The following TACR3 variants were observed in gnomAD, a reference collection of about 807,000 sequenced individuals.
TACR3 encodes neuromedin-K receptor.
A neutral mutation model predicts 35.0 loss-of-function variants in TACR3; 34 were observed. The observed-to-expected ratio is 0.97, with a 90% confidence interval of 0.74 to 1.30. TACR3 has a LOEUF of 1.30. Among genes scored for constraint, TACR3 ranks in the 50% most tolerant of loss-of-function variants. The pLI is 0.00. For synonymous variants in TACR3, 233 were observed against 221.1 expected (o/e 1.05, Z -0.48); for missense variants, 558 against 591.7 (o/e 0.94, Z 0.59).
chr4:103,599,970 A>G (rs1439566355), intron 3 of TACR3, among the ~76,000 whole-genome samples: 1 of 152,160 alleles, frequency 6.6e-6, no homozygotes, highest in East Asian at 1.9e-4. Flanking sequence ...CTGGCCTCAT[A>G]AAATGAGTTA....
At chr4:103,701,999 T>C (rs1722661638) in intron 1 of TACR3, among the ~76,000 whole-genome samples, 1 of 152,146 alleles carries the variant, frequency 6.6e-6, no homozygotes, top group Non-Finnish European at 1.5e-5. Context: ...GGCAAGGACT[T>C]CATGTCTAAA....
chr4:103,628,517 A>G (rs1724965581), intron 3 of TACR3, among the ~76,000 whole-genome samples: 1 of 152,238 alleles, frequency 6.6e-6, no homozygotes, highest in African/African-American at 2.4e-5. Context: ...AATACTATAA[A>G]CAACTCTACA....
At chr4:103,663,236 G>A (rs151005923) in intron 1 of TACR3, among the ~76,000 whole-genome samples, 33 of 152,340 alleles carry the variant, frequency 2.2e-4, no homozygotes, top group African/African-American at 7.9e-4. Flanking sequence ...GCTCACACCT[G>A]TAACCCCAGC....
intron 1 of TACR3, among the ~76,000 whole-genome samples, chr4:103,707,825 T>A (rs183159469): frequency 2.2e-4 from 33 of 152,218 alleles, no homozygotes; most frequent in Admixed American, 1.8e-3. Context: ...TTTCCAATAG[T>A]CTTAGCAAAC....
chr4:103,702,941 A>G (rs1206003582), intron 1 of TACR3, among the ~76,000 whole-genome samples: 2 of 150,954 alleles, frequency 1.3e-5, no homozygotes, highest in Non-Finnish European at 3.0e-5. Flanking sequence ...TAGGAGATAT[A>G]CCTAATGTTA....
At chr4:103,713,828 G>A (rs10004171) in intron 1 of TACR3, among the ~76,000 whole-genome samples, 2,289 of 152,166 alleles carry the variant, frequency 0.015, 56 homozygotes, top group African/African-American at 0.052. Flanking sequence ...CAGAAATACA[G>A]CCAAAGAAGA....
intron 1 of TACR3, among the ~76,000 whole-genome samples, chr4:103,680,514 T>TATATATATACACATATATATAC (rs1246276460): frequency 1.1e-4 from 16 of 147,512 alleles, no homozygotes; most frequent in Admixed American, 2.0e-4. Context: ...CACACACACA[T>TATATATATACACATATATATAC]ATATATATAC....
chr4:103,603,778 T>C (rs529839660), intron 3 of TACR3, among the ~76,000 whole-genome samples: 69 of 152,326 alleles, frequency 4.5e-4, no homozygotes, highest in Admixed American at 2.8e-3. Flanking sequence ...AACTAATTTA[T>C]ATTCCCACCA....
intron 3 of TACR3, among the ~76,000 whole-genome samples, chr4:103,654,118 C>T (rs1269831484): frequency 6.6e-6 from 1 of 150,874 alleles, no homozygotes; most frequent in East Asian, 2.0e-4. Flanking sequence ...ACTAGTTCAG[C>T]CATTGTGGAA....
chr4:103,632,841 T>C (rs377094188), intron 3 of TACR3, among the ~76,000 whole-genome samples: 22 of 152,038 alleles, frequency 1.4e-4, no homozygotes, highest in African/African-American at 5.3e-4. Flanking sequence ...AATCTAACAG[T>C]GCCTTGTAAA....
At chr4:103,618,564 C>CTTTTTTTTT (rs57837921) in intron 3 of TACR3, among the ~76,000 whole-genome samples, 10 of 61,450 alleles carry the variant, frequency 1.6e-4, no homozygotes, top group African/African-American at 4.5e-4. Context: ...GTGACTTGGG[C>CTTTTTTTTT]TTTTTTTTTT....
chr4:103,630,790 A>G (rs1449919861), intron 3 of TACR3, among the ~76,000 whole-genome samples: 1 of 152,190 alleles, frequency 6.6e-6, no homozygotes, highest in African/African-American at 2.4e-5. Context: ...TCAAGTATCT[A>G]GAACTAGAAA....
At chr4:103,618,933 C>T (rs143697407) in intron 3 of TACR3, among the ~76,000 whole-genome samples, 234 of 152,090 alleles carry the variant, frequency 1.5e-3, no homozygotes, top group African/African-American at 4.9e-3. Context: ...GATTTTTGTA[C>T]GTTGATTTTG....
chr4:103,671,555 G>C (rs1172650905), intron 1 of TACR3, among the ~76,000 whole-genome samples: 1 of 151,670 alleles, frequency 6.6e-6, no homozygotes, highest in Admixed American at 6.6e-5. Flanking sequence ...TTTCTTCTAG[G>C]TTTTCAAATT....
chr4:103,691,641 C>T (rs1236918238), intron 1 of TACR3, among the ~76,000 whole-genome samples: 1 of 152,138 alleles, frequency 6.6e-6, no homozygotes, highest in African/African-American at 2.4e-5. Context: ...AAAATCTCTG[C>T]AGCACTGTAA....
rs201803980 is a variant in TACR3, at chr4:103,656,350, A to T, written c.738-6T>A. 90 of 1,611,520 alleles carry T rather than the reference A, an allele frequency of 5.6e-5. No individual in the cohort carries two copies. The highest frequency in any genetic ancestry group is 7.3e-5 in the Non-Finnish European group (86 of 1,178,442). On this transcript the variant is annotated splice_polypyrimidine_tract_variant and splice_region_variant and intron_variant, in intron 2 of 4. Coordinates refer to ENST00000304883, the MANE Select transcript of TACR3 (RefSeq NM_001059.3). ...TAATGACGATAATATGGTAACTATG[A>T]AAAATAAGAAAAACACATGCTGAAG...
chr4:103,626,009 C>G lies in TACR3; in HGVS notation c.888+30185G>C, dbSNP rs559314877. Among the ~76,000 whole-genome samples the G allele has an allele frequency of 1.4e-4, 22 of 152,288 alleles. No homozygotes were observed. In the South Asian group the frequency reaches 4.4e-3, roughly 30 times the overall value. Reference sequence around the variant, plus strand: ...CAAGGAGAGAGGCCTCGGGAAAAATCAACCCAGCCTACATTTTGATCTTGG... The same window carrying G: ...CAAGGAGAGAGGCCTCGGGAAAAATGAACCCAGCCTACATTTTGATCTTGG... On this transcript the variant is annotated intron_variant, in intron 3 of 4. Coordinates refer to ENST00000304883, the MANE Select transcript of TACR3 (RefSeq NM_001059.3).
At chr4:103,706,550 T>C (rs1363963457) in intron 1 of TACR3, among the ~76,000 whole-genome samples, 1 of 152,064 alleles carries the variant, frequency 6.6e-6, no homozygotes, top group Non-Finnish European at 1.5e-5. Context: ...CACAGATATA[T>C]ATAGATATGT....
intron 1 of TACR3, among the ~76,000 whole-genome samples, chr4:103,689,062 T>C (rs896750630): frequency 6.6e-6 from 1 of 151,386 alleles, no homozygotes; most frequent in Non-Finnish European, 1.5e-5. Context: ...TGGAATACTA[T>C]GCAGCCATAA....
Sources: allele counts gnomAD v4.1 joint callset (sites outside exome capture counted in the v4.1 genomes callset), GRCh38; gene constraint gnomAD v4.1.1; transcripts MANE v1.5; gene names NCBI Gene and HGNC (gene_info 2026-07-23, HGNC 2026-07-21).